Variants in TVP23C observed in about 807,000 individuals in gnomAD.
TVP23C encodes trans-golgi network vesicle protein 23 homolog C, also known as Golgi apparatus membrane protein TVP23 homolog C.
Under a neutral mutation model 28.7 loss-of-function variants are expected in TVP23C, and 19 were observed. That is an observed-to-expected ratio of 0.66 (90% confidence interval 0.46 to 0.97). The LOEUF is 0.97. TVP23C is among the 50% of genes least tolerant of loss of function. The probability of loss-of-function intolerance (pLI) is 0.00; values close to 1 mark genes in which losing one functional copy is unlikely to be tolerated. For missense variants in TVP23C, 186 were observed against 241.3 expected (o/e 0.77, Z 1.52); for synonymous variants, 68 against 81.7 (o/e 0.83, Z 0.90).
chr17:15,506,167 C>T (rs1292585822), intron 5 of TVP23C, among the ~76,000 whole-genome samples: 1 of 152,252 alleles, frequency 6.6e-6, no homozygotes, highest in Non-Finnish European at 1.5e-5. Flanking sequence ...CTGATGGGGA[C>T]GTGGAGAGTC....
chr17:15,546,402 A>C (rs1983648974), intron 4 of TVP23C, among the ~76,000 whole-genome samples: 1 of 152,132 alleles, frequency 6.6e-6, no homozygotes. Context: ...GTTGTTTCCA[A>C]GGTAGATTCC....
intron 5 of TVP23C, among the ~76,000 whole-genome samples, chr17:15,511,964 G>C (rs1982023770): frequency 6.6e-6 from 1 of 152,210 alleles, no homozygotes; most frequent in Admixed American, 6.5e-5. Flanking sequence ...TGGGTATTTA[G>C]AACAGCTCTT....
rs1398724049 is a variant in TVP23C at position 15,523,584 on chromosome 17, C to T, written c.463-20352G>A. Among the ~76,000 whole-genome samples the T allele has an allele frequency of 5.3e-5, 8 of 151,956 alleles. No homozygotes were observed. In the South Asian group the frequency reaches 1.7e-3, roughly 32 times the overall value. ...TTGGCCTCCCAAAGTGCTGAGATTA[C>T]AGGCATGAGCACTGCACCTGGCTGG... On this transcript the variant is annotated intron_variant, in intron 5 of 5. Transcript: ENST00000225576.
rs1185351507 is a variant in TVP23C, at chr17:15,509,176, GC to G, written c.463-5945del. Among the ~76,000 whole-genome samples, 9 of 152,322 alleles carry G rather than the reference GC, an allele frequency of 5.9e-5. 1 individual carries two copies. Among genetic ancestry groups the G allele is most frequent in the African/African-American group, 2.2e-4 (9 of 41,558 alleles). On this transcript the variant is annotated intron_variant, in intron 5 of 5. Transcript: ENST00000225576. ...GATCTGGTTTCAGGGAGGTTTTCTT[GC>G]TATATCAGCTCCCAGGGTTGTCCTC...
chr17:15,538,122 T>G lies in TVP23C; in HGVS notation c.*2290A>C, dbSNP rs756359933. On this transcript the variant is annotated 3_prime_UTR_variant, in exon 6 of 6. Transcript: ENST00000518321. ...AATGTAACAAAGCACATAAGCTTTC[T>G]CTATTCAGGAAGTCTGATCATCTCC... The G allele has an allele frequency of 1.9e-6, 3 of 1,613,806 alleles. No individual in the cohort carries two copies. Among genetic ancestry groups the G allele is most frequent in the Non-Finnish European group, 1.7e-6 (2 of 1,179,846 alleles).
chr17:15,523,922 T>A (rs1360152998), intron 5 of TVP23C, among the ~76,000 whole-genome samples: 2 of 152,246 alleles, frequency 1.3e-5, no homozygotes, highest in Non-Finnish European at 2.9e-5. Flanking sequence ...CGCCAGAAGA[T>A]ATTTTTAACA....
intron 5 of TVP23C, among the ~76,000 whole-genome samples, chr17:15,543,649 T>C (rs1353566280): frequency 6.6e-6 from 1 of 150,918 alleles, no homozygotes; most frequent in Non-Finnish European, 1.5e-5. Context: ...CTCTACCCCA[T>C]TACTTTGTAT....
chr17:15,528,639 T>A (rs1982825486), intron 5 of TVP23C, among the ~76,000 whole-genome samples: 1 of 151,514 alleles, frequency 6.6e-6, no homozygotes, highest in Non-Finnish European at 1.5e-5. Context: ...TGGAGTCTCA[T>A]TTGTCACCCA....
rs562050019 is a variant in TVP23C, at chr17:15,548,249, C to T, written c.241-1101G>A. On this transcript the variant is annotated intron_variant, in intron 3 of 5. Transcript: ENST00000518321. ...CGGGGCGATCTCAGCTCACCACAACCTCTGCCTCCCGGGTTCAAACGATTC... is the reference window on the plus strand; with the variant it reads ...CGGGGCGATCTCAGCTCACCACAACTTCTGCCTCCCGGGTTCAAACGATTC... Among the ~76,000 whole-genome samples the T allele has an allele frequency of 2.0e-5, 3 of 152,332 alleles. No individual in the cohort carries two copies. In the South Asian group the frequency reaches 6.2e-4, roughly 32 times the overall value.
At chr17:15,519,542 T>A (rs1160990560) in intron 5 of TVP23C, among the ~76,000 whole-genome samples, 4 of 151,970 alleles carry the variant, frequency 2.6e-5, no homozygotes, top group Non-Finnish European at 5.9e-5. Context: ...AATTCTCTTT[T>A]AAAACCCTGT....
chr17:15,547,534 T>C (rs968458587), intron 3 of TVP23C, among the ~76,000 whole-genome samples: 11 of 152,266 alleles, frequency 7.2e-5, no homozygotes, highest in Admixed American at 5.9e-4. Context: ...AAAATGATTA[T>C]AGACACTGGC....
chr17:15,507,160 C>T (rs546908448), intron 5 of TVP23C: 95 of 770,868 alleles, frequency 1.2e-4, no homozygotes, highest in Middle Eastern at 2.5e-4. Flanking sequence ...TTGTCCATGG[C>T]AAATGCAGGA....
downstream of TVP23C, among the ~76,000 whole-genome samples, chr17:15,532,022 G>T (rs1393929337): frequency 9.9e-5 from 15 of 152,028 alleles, no homozygotes; most frequent in Non-Finnish European, 2.9e-5. Flanking sequence ...CAAAATCTCT[G>T]CTTGGTTACT....
intron 1 of TVP23C, among the ~76,000 whole-genome samples, chr17:15,559,142 T>C (rs1224396403): frequency 1.4e-5 from 2 of 147,696 alleles, no homozygotes; most frequent in Non-Finnish European, 3.0e-5. Flanking sequence ...TCTTTTCAGT[T>C]CCTTAAACAT....
Position 15,548,225 on chromosome 17 carries a change from G to A in TVP23C, c.241-1077C>T, listed in dbSNP as rs1249854600. On this transcript the variant is annotated intron_variant, in intron 3 of 5. Transcript: ENST00000518321. ...CTTGTTGCCCAGGCTGGCATGCAAC[G>A]GGGCGATCTCAGCTCACCACAACCT... Among the ~76,000 whole-genome samples the A allele has an allele frequency of 3.9e-5, 6 of 152,066 alleles. No individual in the cohort carries two copies. In the East Asian group the frequency reaches 5.8e-4, roughly 15 times the overall value.
intron 5 of TVP23C, among the ~76,000 whole-genome samples, chr17:15,520,088 T>A (rs2954733): frequency 1.2e-4 from 17 of 146,596 alleles, no homozygotes; most frequent in African/African-American, 4.2e-4. Context: ...GCCTTCATCC[T>A]CCAGCTGAGG....
intron 5 of TVP23C, among the ~76,000 whole-genome samples, chr17:15,513,968 G>A (rs909080103): frequency 2.0e-5 from 3 of 152,140 alleles, no homozygotes; most frequent in African/African-American, 4.8e-5. Context: ...AGGGGCGGAC[G>A]GTGAGGGAGG....
At chr17:15,508,666 T>C (rs1981874751) in intron 5 of TVP23C, among the ~76,000 whole-genome samples, 1 of 152,250 alleles carries the variant, frequency 6.6e-6, no homozygotes. Context: ...CATTGTGCAG[T>C]ACTGCTCTGG....
rs538465602 is a variant in TVP23C at position 15,541,167 on chromosome 17, G to C, written c.463-606C>G. On this transcript the variant is annotated intron_variant, in intron 5 of 5. Transcript: ENST00000518321. ...TGAGTTTCATTTTCTCACCTATGGT[G>C]ATCCCACTAGGATCAATGAGAAGTG... 4.6e-5 allele frequency among the ~76,000 whole-genome samples: 7 copies of C among 152,314 alleles called. No homozygotes were observed. In the South Asian group the frequency reaches 1.0e-3, roughly 23 times the overall value.
Sources: gnomAD v4.1 joint callset for allele counts (sites outside exome capture counted in the v4.1 genomes callset) on GRCh38, gnomAD v4.1.1 for gene constraint, MANE v1.5 for transcripts, NCBI Gene and HGNC (gene_info 2026-07-23, HGNC 2026-07-21) for gene names.